HHAT: variants seen among roughly 807,000 people sequenced by gnomAD.
The protein encoded by HHAT is protein-cysteine N-palmitoyltransferase HHAT.
Under a neutral mutation model 70.8 loss-of-function variants are expected in HHAT, and 47 were observed. That is an observed-to-expected ratio of 0.66 (90% confidence interval 0.53 to 0.85). HHAT has a LOEUF of 0.85. Among genes scored for constraint, HHAT ranks in the 40% least tolerant of loss-of-function variants. HHAT has a pLI of 0.00. For missense variants in HHAT, 609 were observed against 604.8 expected, an observed-to-expected ratio of 1.01 and a Z score of -0.07; for synonymous variants, 228 against 247.6, an observed-to-expected ratio of 0.92 and a Z score of 0.74.
intron 8 of HHAT, among the ~76,000 whole-genome samples, chr1:210,495,065 C>T (rs2094613679): frequency 6.6e-6 from 1 of 152,008 alleles, no homozygotes; most frequent in South Asian, 2.1e-4. Flanking sequence ...CCTGTCTCTC[C>T]AGCAGTGAGA....
chr1:210,653,092 A>G (rs1675517240), intron 11 of HHAT, among the ~76,000 whole-genome samples: 1 of 152,212 alleles, frequency 6.6e-6, no homozygotes, highest in Admixed American at 6.5e-5. Context: ...TCCATTCTGC[A>G]GAATTCTACT....
chr1:210,381,755 G>C (rs1182522968), intron 3 of HHAT, among the ~76,000 whole-genome samples: 3 of 152,152 alleles, frequency 2.0e-5, no homozygotes, highest in Admixed American at 2.0e-4. Context: ...GCAGGTCATG[G>C]ACTGATTACA....
At chr1:210,474,483 C>G (rs137958666) in intron 8 of HHAT, among the ~76,000 whole-genome samples, 1 of 152,266 alleles carries the variant, frequency 6.6e-6, no homozygotes, top group African/African-American at 2.4e-5. Context: ...ATAGGTTTAA[C>G]TTAATTTTTT....
chr1:210,664,536 G>A lies in HHAT; in HGVS notation c.1391-9752G>A, dbSNP rs141601332. On this transcript the variant is annotated intron_variant, in intron 11 of 11. Coordinates refer to ENST00000261458, the MANE Select transcript of HHAT (RefSeq NM_018194.6). ...ATCCGGTGTCAGCACCCTAGGTCTA[G>A]GGTCTGGTGCATGAGGCAGTTCTTT... Among the ~76,000 whole-genome samples, 82 of 152,362 alleles carry A rather than the reference G, an allele frequency of 5.4e-4. No homozygotes were observed. In the Middle Eastern group the frequency reaches 0.01, roughly 19 times the overall value.
intron 4 of HHAT, among the ~76,000 whole-genome samples, chr1:210,390,953 A>G (rs904684448): frequency 1.2e-4 from 19 of 152,238 alleles, no homozygotes; most frequent in African/African-American, 4.6e-4. Context: ...TTAGGCTGCT[A>G]TAAACATGCA....
At chr1:210,590,564 A>AAAAAAAT (rs1661477490) in intron 10 of HHAT, 1 of 144,416 alleles carries the variant, frequency 6.9e-6, no homozygotes. Flanking sequence ...AAAAAAAAAA[A>AAAAAAAT]GGCAACAGAA....
At chr1:210,389,305 G>T (rs903688781) in intron 4 of HHAT, among the ~76,000 whole-genome samples, 1 of 152,158 alleles carries the variant, frequency 6.6e-6, no homozygotes, top group African/African-American at 2.4e-5. Context: ...CTGACATCGC[G>T]GCAATCCTGA....
chr1:210,623,798 A>C, intron 11 of HHAT, 128 bp downstream of exon 11: 3 of 986,152 alleles, frequency 3.0e-6, no homozygotes, highest in Non-Finnish European at 4.5e-6. Context: ...TGTGACCTCT[A>C]AAGTACCAGC....
chr1:210,541,332 A>G (rs1057373228), intron 9 of HHAT, among the ~76,000 whole-genome samples: 14 of 152,312 alleles, frequency 9.2e-5, no homozygotes, highest in African/African-American at 3.1e-4. Context: ...TGAATCCAAT[A>G]GACTGTGGGG....
At chr1:210,349,090 C>T in intron 2 of HHAT, 24 bp downstream of exon 2, 1 of 1,607,570 alleles carries the variant, frequency 6.2e-7, no homozygotes, top group Non-Finnish European at 8.5e-7. Context: ...CTTTTCAGAC[C>T]TCCTATCAAA....
intron 9 of HHAT, among the ~76,000 whole-genome samples, chr1:210,563,177 G>A (rs2095640107): frequency 6.6e-6 from 1 of 152,126 alleles, no homozygotes; most frequent in Non-Finnish European, 1.5e-5. Flanking sequence ...GTACCTAGAG[G>A]GAATACAGAA....
At chr1:210,648,045 A>G (rs1209868435) in intron 11 of HHAT, among the ~76,000 whole-genome samples, 1 of 152,154 alleles carries the variant, frequency 6.6e-6, no homozygotes, top group Non-Finnish European at 1.5e-5. Flanking sequence ...GTAAGCCTGT[A>G]AGAAAACAGA....
chr1:210,620,910 A>G (rs1260623207), intron 10 of HHAT, among the ~76,000 whole-genome samples: 1 of 143,640 alleles, frequency 7.0e-6, no homozygotes, highest in South Asian at 2.2e-4. Flanking sequence ...TTTTTTTCCT[A>G]AGTAGATATA....
intron 8 of HHAT, among the ~76,000 whole-genome samples, chr1:210,497,063 CT>C (rs1402502430): frequency 6.6e-6 from 1 of 152,136 alleles, no homozygotes; most frequent in Non-Finnish European, 1.5e-5. Flanking sequence ...ATCTTTCTGC[CT>C]GTTTATTCTT....
intron 11 of HHAT, chr1:210,631,011 T>TG: frequency 2.2e-6 from 1 of 448,580 alleles, no homozygotes; most frequent in East Asian, 7.0e-5. Flanking sequence ...TTTATTTTTA[T>TG]TTTTTTTACT....
chr1:210,404,319 C>T lies in HHAT; in HGVS notation c.469-145C>T, dbSNP rs1232482107. On this transcript the variant is annotated intron_variant, in intron 5 of 11. Transcript: ENST00000261458. The stretch of plus-strand genomic sequence containing the variant: ...TTCTCGACTGCCTTTTATGGCACAG[C>T]TGCTCTGCCTGAAGAAGAAATTGCC... 1.7e-5 allele frequency: 11 copies of T among 628,856 alleles called. No individual in the cohort carries two copies. In the East Asian group the frequency reaches 3.0e-4, roughly 17 times the overall value. The allele number at this position is 628,856 out of a possible 1,614,324, so 39.0% of individuals were successfully genotyped here.
intron 10 of HHAT, among the ~76,000 whole-genome samples, chr1:210,608,510 T>C (rs1665968300): frequency 1.3e-5 from 2 of 152,126 alleles, no homozygotes; most frequent in Admixed American, 1.3e-4. Context: ...TTTTCTGGCA[T>C]TTTTTCAGAA....
At chr1:210,450,569 C>T (rs542707951) in intron 7 of HHAT, among the ~76,000 whole-genome samples, 1 of 149,676 alleles carries the variant, frequency 6.7e-6, no homozygotes, top group African/African-American at 2.5e-5. Context: ...TGAGCTACCG[C>T]ACCTGGCCAT....
chr1:210,463,902 A>G lies in HHAT; in HGVS notation c.857-603A>G, dbSNP rs563270486. The stretch of plus-strand genomic sequence containing the variant: ...TTTAACTGTTAAATTTTGTGGGTGC[A>G]TAGTAGATGTGTATATGTATGAGGT... On this transcript the variant is annotated intron_variant, in intron 7 of 11. Coordinates refer to ENST00000261458, the MANE Select transcript of HHAT (RefSeq NM_018194.6). Among the ~76,000 whole-genome samples, 161 of 152,280 alleles carry G rather than the reference A, an allele frequency of 1.1e-3. 1 individual carries two copies. The highest frequency in any genetic ancestry group is 3.8e-3 in the African/African-American group (158 of 41,554).
Sources: allele counts gnomAD v4.1 joint callset (sites outside exome capture counted in the v4.1 genomes callset), GRCh38; gene constraint gnomAD v4.1.1; transcripts MANE v1.5; gene names NCBI Gene and HGNC (gene_info 2026-07-23, HGNC 2026-07-21).